Variants in LYN observed in about 807,000 individuals in gnomAD.
LYN encodes the protein tyrosine-protein kinase Lyn.
In LYN, 12 loss-of-function variants were observed where a neutral mutation model predicts 65.0. The ratio of observed to expected loss-of-function variants is 0.18; its 90% CI spans 0.12 to 0.30. The LOEUF is 0.30. Ranked by LOEUF, LYN falls within the 10% of genes least tolerant of loss-of-function variation. LYN has a pLI of 1.00. For synonymous variants in LYN, 222 were observed against 221.2 expected (o/e 1.00, Z -0.03); for missense variants, 380 against 623.2 (o/e 0.61, Z 4.16).
intron 1 of LYN, among the ~76,000 whole-genome samples, chr8:55,922,352 A>G (rs755113566): frequency 6.6e-6 from 1 of 152,054 alleles, no homozygotes; most frequent in Non-Finnish European, 1.5e-5. Flanking sequence ...AGCCTCCCCA[A>G]GTGCTGGGAT....
intron 2 of LYN, among the ~76,000 whole-genome samples, chr8:55,944,740 C>A (rs923523540): frequency 6.6e-6 from 1 of 152,196 alleles, no homozygotes; most frequent in Non-Finnish European, 1.5e-5. Context: ...CTCGGCCTCT[C>A]AAAGTGTTGG....
At chr8:55,955,555 A>T (rs1182850567) in intron 8 of LYN, among the ~76,000 whole-genome samples, 2 of 152,198 alleles carry the variant, frequency 1.3e-5, no homozygotes, top group African/African-American at 2.4e-5. Flanking sequence ...TAAATTAATC[A>T]TTTAAAAGGA....
intron 1 of LYN, among the ~76,000 whole-genome samples, chr8:55,897,437 C>T (rs555885552): frequency 1.1e-4 from 17 of 152,208 alleles, no homozygotes; most frequent in Non-Finnish European, 2.2e-4. Context: ...ATGGTGGTTT[C>T]GAGGGGTTGA....
chr8:55,980,947 G>C (rs968832960), intron 10 of LYN, among the ~76,000 whole-genome samples: 2 of 152,036 alleles, frequency 1.3e-5, no homozygotes, highest in Admixed American at 1.3e-4. Flanking sequence ...GCGGCCGCTT[G>C]CTAGCCCCTG....
chr8:55,882,462 T>C (rs1326952849), intron 1 of LYN, among the ~76,000 whole-genome samples: 1 of 152,236 alleles, frequency 6.6e-6, no homozygotes, highest in African/African-American at 2.4e-5. Flanking sequence ...ATATTATTCA[T>C]GTACAAACCC....
intron 1 of LYN, among the ~76,000 whole-genome samples, chr8:55,887,575 T>TACACACACACATACACACACAC (rs1804835376): frequency 1.1e-5 from 1 of 93,436 alleles, no homozygotes; most frequent in South Asian, 3.6e-4. Flanking sequence ...TATATATATA[T>TACACACACACATACACACACAC]ACACACACAC....
chr8:56,012,104 C>A lies in LYN; in HGVS notation c.*1994C>A, dbSNP rs1048928318. 24 of 191,386 alleles carry A rather than the reference C, an allele frequency of 1.3e-4. No individual in the cohort carries two copies. Among genetic ancestry groups the A allele is most frequent in the African/African-American group, 5.6e-4 (24 of 42,976 alleles). The allele number at this position is 191,386 out of a possible 1,614,324, so 11.9% of individuals were successfully genotyped here. On this transcript the variant is annotated 3_prime_UTR_variant, in exon 13 of 13. Transcript: ENST00000519728. ...TTTCCCTCCCAATCAAGCCTGTGAT[C>A]CTTACCTCCATGTGGGCCCTTCACC...
At chr8:55,987,771 GACTC>G (rs755038123) in intron 10 of LYN, among the ~76,000 whole-genome samples, 1 of 152,174 alleles carries the variant, frequency 6.6e-6, no homozygotes, top group African/African-American at 2.4e-5. Flanking sequence ...TAAGAGCACA[GACTC>G]TTAAGCCTGG....
At chr8:55,927,334 TCA>T (rs1433031458) in intron 1 of LYN, among the ~76,000 whole-genome samples, 2 of 152,192 alleles carry the variant, frequency 1.3e-5, no homozygotes, top group Non-Finnish European at 2.9e-5. Flanking sequence ...ACGGTTGGAA[TCA>T]CACAGTATGT....
chr8:55,880,840 T>C (rs896174904), intron 1 of LYN, among the ~76,000 whole-genome samples: 14 of 152,350 alleles, frequency 9.2e-5, no homozygotes, highest in African/African-American at 3.4e-4. Flanking sequence ...GTTCCCACTT[T>C]CCTGCATTCT....
At chr8:55,979,132 G>A (rs573483367) in intron 10 of LYN, among the ~76,000 whole-genome samples, 8 of 130,732 alleles carry the variant, frequency 6.1e-5, no homozygotes, top group African/African-American at 2.1e-4. Flanking sequence ...TGCAACCTCC[G>A]CCTCCCAGGC....
chr8:55,996,105 G>A (rs1044264732), intron 10 of LYN, among the ~76,000 whole-genome samples: 2 of 152,196 alleles, frequency 1.3e-5, no homozygotes, highest in South Asian at 2.1e-4. Context: ...CAGCCCTAGA[G>A]GTGTTTATCA....
intron 1 of LYN, among the ~76,000 whole-genome samples, chr8:55,924,975 G>A (rs1245383595): frequency 6.6e-6 from 1 of 152,012 alleles, no homozygotes; most frequent in Non-Finnish European, 1.5e-5. Context: ...CCAAGTAGCT[G>A]GGATTATAGA....
At chr8:55,908,996 TATATATATATATATACACACACACACAC>T (rs879354166) in intron 1 of LYN, among the ~76,000 whole-genome samples, 1,066 of 23,544 alleles carry the variant, frequency 0.045, 138 homozygotes, top group Non-Finnish European at 0.059. Flanking sequence ...TATGTATATA[TATATATATATATATACACACACACACAC>T]ACACACACAC....
At chr8:55,936,016 G>T (rs778451281) in intron 1 of LYN, among the ~76,000 whole-genome samples, 2 of 152,114 alleles carry the variant, frequency 1.3e-5, no homozygotes, top group African/African-American at 4.8e-5. Context: ...TCTCCTTTCC[G>T]AAAGTAAAGT....
intron 1 of LYN, among the ~76,000 whole-genome samples, chr8:55,881,943 A>G (rs556741423): frequency 2.0e-5 from 3 of 152,336 alleles, no homozygotes; most frequent in East Asian, 1.9e-4. Flanking sequence ...AGCTTGCCCT[A>G]TGCAAAACTG....
chr8:55,901,538 A>G (rs1000515605), intron 1 of LYN, among the ~76,000 whole-genome samples: 22 of 152,196 alleles, frequency 1.4e-4, no homozygotes. Flanking sequence ...CCCTGGACTT[A>G]GTATCCCCCA....
At chr8:55,882,958 C>T (rs982518758) in intron 1 of LYN, among the ~76,000 whole-genome samples, 10 of 152,158 alleles carry the variant, frequency 6.6e-5, no homozygotes, top group Non-Finnish European at 1.0e-4. Context: ...TAAACCCAAT[C>T]GTAAGTTGAA....
At chr8:55,904,007 A>AG (rs1805352985) in intron 1 of LYN, among the ~76,000 whole-genome samples, 1 of 1,738 alleles carries the variant, frequency 5.8e-4, no homozygotes, top group Admixed American at 4.7e-3. Flanking sequence ...ACAGAGTCTC[A>AG]AAAAAAAAGT....
Sources: allele counts gnomAD v4.1 joint callset (sites outside exome capture counted in the v4.1 genomes callset), GRCh38; gene constraint gnomAD v4.1.1; transcripts MANE v1.5; gene names NCBI Gene and HGNC (gene_info 2026-07-23, HGNC 2026-07-21).